Variants in FANK1 observed in about 807,000 individuals in gnomAD.
FANK1 encodes the protein fibronectin type III and ankyrin repeat domains 1, also known as fibronectin type 3 and ankyrin repeat domains protein 1.
FANK1 carries 44 observed loss-of-function variants against 45.3 expected under a neutral mutation model. That is an observed-to-expected ratio of 0.97 (90% CI 0.76 to 1.25). The LOEUF is 1.25. FANK1 is among the 50% of genes most tolerant of loss of function. FANK1 has a pLI of 0.00. For missense variants in FANK1, 391 were observed against 424.4 expected (o/e 0.92, Z 0.69); for synonymous variants, 149 against 152.5 (o/e 0.98, Z 0.17).
chr10:125,978,963 C>T (rs1335071327), intron 1 of FANK1, among the ~76,000 whole-genome samples: 1 of 152,232 alleles, frequency 6.6e-6, no homozygotes, highest in Non-Finnish European at 1.5e-5. Flanking sequence ...GGTCTCCACG[C>T]GTGCCTGAGC....
intron 7 of FANK1, among the ~76,000 whole-genome samples, chr10:126,006,933 G>C (rs1444423884): frequency 6.6e-6 from 1 of 152,222 alleles, no homozygotes; most frequent in Non-Finnish European, 1.5e-5. Context: ...GGAAATGTAG[G>C]CTCTCTGGGC....
rs550066472 is a variant in FANK1 at position 126,005,015 on chromosome 10, G to A, written c.671G>A (p.Ser224Asn). 23 of 1,614,128 alleles carry A rather than the reference G, an allele frequency of 1.4e-5. No homozygotes were observed. The South Asian group carries it at 2.5e-4, about 18-fold the overall frequency. Residue 224 changes from serine (S) to asparagine (N), a missense_variant, in exon 7 of 11, where the codon AGT becomes AAT. Transcript: ENST00000368693. ...TGGGCTGCAGATGGAGGCCACTGCA[G>A]TGTGATTGAGTGGATGATAAAGGAT... ...LHWAADGGHCSVIEWMIKDGC... is the reference protein window; with the variant it reads ...LHWAADGGHCNVIEWMIKDGC...
intron 1 of FANK1, among the ~76,000 whole-genome samples, chr10:125,916,903 C>T (rs191081270): frequency 3.3e-5 from 5 of 152,312 alleles, no homozygotes; most frequent in Admixed American, 2.6e-4. Context: ...CTCTCTGTCC[C>T]TGGAGGAAGG....
At chr10:125,906,232 G>A (rs531285630) in intron 1 of FANK1, among the ~76,000 whole-genome samples, 2 of 152,116 alleles carry the variant, frequency 1.3e-5, no homozygotes, top group South Asian at 4.2e-4. Flanking sequence ...AAAAGAAGGA[G>A]CAGCTAGGCA....
At chr10:125,955,135 G>T (rs535720583) in intron 1 of FANK1, among the ~76,000 whole-genome samples, 2 of 151,092 alleles carry the variant, frequency 1.3e-5, no homozygotes, top group South Asian at 4.2e-4. Context: ...TTAAGTTCAG[G>T]GGTACATGTG....
At chr10:125,948,087 C>G (rs1948940160) in intron 1 of FANK1, among the ~76,000 whole-genome samples, 1 of 148,146 alleles carries the variant, frequency 6.8e-6, no homozygotes, top group Non-Finnish European at 1.5e-5. Context: ...ACACAACATA[C>G]CAGAATCTCT....
chr10:126,005,739 G>A (rs1189317577), intron 7 of FANK1, among the ~76,000 whole-genome samples: 1 of 152,194 alleles, frequency 6.6e-6, no homozygotes, highest in Non-Finnish European at 1.5e-5. Context: ...AGCCCTTATA[G>A]CCATTGTGCT....
intron 1 of FANK1, among the ~76,000 whole-genome samples, chr10:125,962,214 GTCTT>G (rs1161378630): frequency 2.6e-5 from 4 of 152,152 alleles, no homozygotes; most frequent in Admixed American, 1.3e-4. Context: ...GAGGTCTGCT[GTCTT>G]TCTTTGTTTT....
chr10:125,968,534 TTG>T (rs1950308126), intron 1 of FANK1, among the ~76,000 whole-genome samples: 1 of 152,186 alleles, frequency 6.6e-6, no homozygotes, highest in Non-Finnish European at 1.5e-5. Context: ...ATATTTATAT[TTG>T]TTTTTTTTCT....
chr10:125,906,515 C>CAAAAAAAAAAAAAA lies in FANK1; in HGVS notation c.13+9876_13+9889dup, dbSNP rs34132526. On this transcript the variant is annotated intron_variant, in intron 1 of 10. Transcript: ENST00000368693. ...TTGGGGACAGAGCAAGACTCTGTCT[C>CAAAAAAAAAAAAAA]AAAAAAAAAAAAAAAAAAAAAAAAA... is the stretch of plus-strand genomic sequence containing the variant. Among the ~76,000 whole-genome samples the CAAAAAAAAAAAAAA allele has an allele frequency of 2.6e-3, 123 of 46,420 alleles. 13 individuals are homozygous for CAAAAAAAAAAAAAA. Among genetic ancestry groups the CAAAAAAAAAAAAAA allele is most frequent in the Non-Finnish European group, 3.4e-3 (79 of 23,166 alleles). 30.5% of individuals were successfully genotyped at this position (46,420 alleles called of 152,430 possible).
At chr10:125,900,851 T>C (rs1944975752) in intron 1 of FANK1, among the ~76,000 whole-genome samples, 1 of 152,182 alleles carries the variant, frequency 6.6e-6, no homozygotes, top group Admixed American at 6.5e-5. Context: ...GGTTTCACCA[T>C]GTTGGTCAGG....
At chr10:125,991,819 A>G (rs961179525) in intron 3 of FANK1, among the ~76,000 whole-genome samples, 9 of 152,140 alleles carry the variant, frequency 5.9e-5, no homozygotes, top group African/African-American at 2.2e-4. Flanking sequence ...CCACCAAGAA[A>G]GGTGTTAGCA....
At chr10:125,950,012 G>T (rs1342831271) in intron 1 of FANK1, among the ~76,000 whole-genome samples, 1 of 124,060 alleles carries the variant, frequency 8.1e-6, no homozygotes, top group Non-Finnish European at 1.8e-5. Context: ...ACAAGCAATG[G>T]GGAAAGGATT....
Position 126,005,276 on chromosome 10 carries a change from C to T in FANK1, c.705+227C>T, listed in dbSNP as rs1953097536. 1.3e-5 allele frequency among the ~76,000 whole-genome samples: 2 copies of T among 151,002 alleles called. 1 individual carries two copies. The highest frequency in any genetic ancestry group is 4.2e-4 in the South Asian group (2 of 4,772). Reference sequence around the variant, plus strand: ...TAGGGAAAAGAAACAGGTCTGAATCCAGAGCTGGACCTGATGCTTCTACTT... The same window carrying T: ...TAGGGAAAAGAAACAGGTCTGAATCTAGAGCTGGACCTGATGCTTCTACTT... On this transcript the variant is annotated intron_variant, in intron 7 of 10. Coordinates refer to ENST00000368693, the MANE Select transcript of FANK1 (RefSeq NM_145235.5).
intron 1 of FANK1, among the ~76,000 whole-genome samples, chr10:125,915,160 T>C (rs1397419877): frequency 1.3e-5 from 2 of 152,216 alleles, no homozygotes; most frequent in Non-Finnish European, 2.9e-5. Context: ...GCCAGGCTGC[T>C]CTTTCCACAG....
At chr10:125,992,862 T>C (rs980215223) in intron 3 of FANK1, among the ~76,000 whole-genome samples, 13 of 150,792 alleles carry the variant, frequency 8.6e-5, no homozygotes, top group Non-Finnish European at 1.9e-4. Context: ...GGCATCCCCT[T>C]TCTTTTTTAA....
intron 1 of FANK1, among the ~76,000 whole-genome samples, chr10:125,954,766 A>G (rs572076833): frequency 1.3e-5 from 2 of 152,224 alleles, no homozygotes; most frequent in African/African-American, 4.8e-5. Flanking sequence ...CTAAAAATAT[A>G]AAAATTAGCC....
At chr10:125,900,333 C>T (rs556443848) in intron 1 of FANK1, among the ~76,000 whole-genome samples, 2 of 151,090 alleles carry the variant, frequency 1.3e-5, no homozygotes, top group Non-Finnish European at 2.9e-5. Flanking sequence ...CATCACTTCC[C>T]ATTTGTTTTG....
At position 125,917,519 on chromosome 10, in the gene FANK1, A is replaced by G. The variant is rs146614800; in HGVS notation, c.13+20864A>G. On this transcript the variant is annotated intron_variant, in intron 1 of 10. Transcript: ENST00000368693. ...AATTTAGTCTTTTGACGAACCTAAT[A>G]TATAAAGACATAGGTTTAACTGTTT... Among the ~76,000 whole-genome samples, 44 of 152,334 alleles carry G rather than the reference A, an allele frequency of 2.9e-4. No individual in the cohort carries two copies. The East Asian group carries it at 8.1e-3, about 28-fold the overall frequency.
Sources: gnomAD v4.1 joint callset for allele counts (sites outside exome capture counted in the v4.1 genomes callset) on GRCh38, gnomAD v4.1.1 for gene constraint, MANE v1.5 for transcripts, NCBI Gene and HGNC (gene_info 2026-07-23, HGNC 2026-07-21) for gene names.